The following CAPG variants were observed in gnomAD, a reference collection of about 807,000 sequenced individuals.
CAPG encodes the protein macrophage-capping protein.
A neutral mutation model predicts 44.6 loss-of-function variants in CAPG; 32 were observed. The ratio of observed to expected loss-of-function variants is 0.72; its 90% CI spans 0.54 to 0.96. CAPG has a LOEUF of 0.96. Ranked by LOEUF, CAPG falls within the 50% of genes least tolerant of loss-of-function variation. CAPG has a pLI of 0.00. For synonymous variants in CAPG, 175 were observed against 179.6 expected, an observed-to-expected ratio of 0.97 and a Z score of 0.20; for missense variants, 412 against 438.3, an observed-to-expected ratio of 0.94 and a Z score of 0.54.
At chr2:85,418,725 C>T (rs1363806200), upstream of CAPG, 2 of 152,198 alleles carry the variant, frequency 1.3e-5, no homozygotes, top group African/African-American at 4.8e-5. Flanking sequence ...TTGGGCGGGG[C>T]CTTGGGTGCT....
At chr2:85,399,798 A>G (rs143321319) in intron 5 of CAPG, among the ~76,000 whole-genome samples, 5,008 of 148,428 alleles carry the variant, frequency 0.034, 195 homozygotes, top group African/African-American at 0.093. Flanking sequence ...CTGGAGTGCA[A>G]TGGTACAATC....
chr2:85,396,962 T>G (rs1453597477), intron 8 of CAPG, among the ~76,000 whole-genome samples: 1 of 152,098 alleles, frequency 6.6e-6, no homozygotes, highest in East Asian at 1.9e-4. Context: ...TGCTGAAAAT[T>G]CTCAGACCCC....
chr2:85,404,260 G>A (rs557656712), intron 1 of CAPG, among the ~76,000 whole-genome samples: 67 of 143,148 alleles, frequency 4.7e-4, no homozygotes, highest in African/African-American at 1.8e-3. Flanking sequence ...AATAAATAAA[G>A]CCGCTCACAA....
upstream of CAPG, among the ~76,000 whole-genome samples, chr2:85,415,068 T>C (rs1267199053): frequency 6.6e-6 from 1 of 152,218 alleles, no homozygotes; most frequent in Non-Finnish European, 1.5e-5. Context: ...ACAATCTTTC[T>C]ATCTGGGTGA....
chr2:85,401,892 T>A lies in CAPG; in HGVS notation c.89A>T (p.Lys30Met). Residue 30 changes from lysine (K) to methionine (M), a missense_variant, in exon 3 of 10, where the codon AAG (lysine) becomes ATG (methionine). Lys to Met is a moderately conservative substitution (Grantham distance 95, BLOSUM62 -1). Transcript: ENST00000263867. ...GTTCTCTTGCGCCACAGGCACCGGC[T>A]TCAGCTTCTCCACCCGCCACACATG... ...GLHVWRVEKL[K>M]PVPVAQENQG... 6.2e-7 allele frequency: 1 copy of A among 1,613,482 alleles called. No homozygotes were observed. The highest frequency in any genetic ancestry group is 8.5e-7 in the Non-Finnish European group (1 of 1,179,934).
At chr2:85,414,837 G>C (rs1189110666), upstream of CAPG, among the ~76,000 whole-genome samples, 7 of 152,190 alleles carry the variant, frequency 4.6e-5, no homozygotes, top group African/African-American at 1.7e-4. Flanking sequence ...CAGGAGGCCA[G>C]GCCTTCTGGA....
Position 85,395,897 on chromosome 2 carries a change from A to T in CAPG, c.893-271T>A. 2.3e-6 allele frequency: 1 copy of T among 443,846 alleles called. No homozygotes were observed. The highest frequency in any genetic ancestry group is 4.1e-6 in the Non-Finnish European group (1 of 242,348). 27.5% of individuals were successfully genotyped at this position (443,846 alleles called of 1,614,324 possible). ...ACTCTGCTCTGACCTGGGCCCCTGGAATATTTCAGGGAGGGGAACAGGTGT... is the reference window on the plus strand; with the variant it reads ...ACTCTGCTCTGACCTGGGCCCCTGGTATATTTCAGGGAGGGGAACAGGTGT... On this transcript the variant is annotated intron_variant, in intron 8 of 9. Transcript: ENST00000263867. The surrounding 1 kb of genome is among the most constrained non-coding windows in gnomAD (Gnocchi z 4.3).
intron 1 of CAPG, among the ~76,000 whole-genome samples, chr2:85,406,535 G>A (rs1027003293): frequency 6.6e-6 from 1 of 152,142 alleles, no homozygotes; most frequent in African/African-American, 2.4e-5. Context: ...CCCCAGTGAT[G>A]TCTGATCACT....
At chr2:85,392,952 A>C (rs1686439677), downstream of CAPG, among the ~76,000 whole-genome samples, 1 of 152,154 alleles carries the variant, frequency 6.6e-6, no homozygotes, top group Non-Finnish European at 1.5e-5. Flanking sequence ...CATTAGCAAT[A>C]ATGTAGTCTG....
upstream of CAPG, chr2:85,419,103 G>A (rs1687654573): frequency 6.6e-6 from 1 of 152,468 alleles, no homozygotes; most frequent in Non-Finnish European, 1.5e-5. Context: ...GTCCCTGTGT[G>A]GCCGGCAGGA....
rs1686517117 is a variant in CAPG at position 85,394,964 on chromosome 2, G to A, written c.982-6C>T. ...CCCTGAGGCAGAATCTCCACCTGCAGGGACAGCGGGGGAGAAGTCTGGTTC... is the reference window on the plus strand; with the variant it reads ...CCCTGAGGCAGAATCTCCACCTGCAAGGACAGCGGGGGAGAAGTCTGGTTC... On this transcript the variant is annotated splice_polypyrimidine_tract_variant and splice_region_variant and intron_variant, in intron 9 of 9. Transcript: ENST00000263867. The A allele has an allele frequency of 1.9e-6, 3 of 1,602,784 alleles. No homozygotes were observed. Among genetic ancestry groups the A allele is most frequent in the East Asian group, 2.2e-5 (1 of 44,834 alleles).
At chr2:85,405,911 G>T (rs956590987) in intron 1 of CAPG, among the ~76,000 whole-genome samples, 3 of 152,210 alleles carry the variant, frequency 2.0e-5, no homozygotes, top group Non-Finnish European at 4.4e-5. Flanking sequence ...ATGAGACACG[G>T]AGTGCGCCAA....
upstream of CAPG, among the ~76,000 whole-genome samples, chr2:85,412,240 C>T (rs1432822227): frequency 6.6e-6 from 1 of 151,848 alleles, no homozygotes; most frequent in African/African-American, 2.4e-5. Flanking sequence ...GGGCCGGGCG[C>T]GGTGGCTCAC....
chr2:85,399,006 C>T, intron 6 of CAPG, 130 bp downstream of exon 6: 2 of 1,083,194 alleles, frequency 1.8e-6, no homozygotes, highest in Admixed American at 4.3e-5. Flanking sequence ...GAGCTGGCCA[C>T]AGCCCTAGGC....
chr2:85,402,797 G>C (rs1258231624), intron 1 of CAPG, among the ~76,000 whole-genome samples: 4 of 145,718 alleles, frequency 2.7e-5, no homozygotes, highest in African/African-American at 5.1e-5. Flanking sequence ...TGGAGACAGA[G>C]TCTCACTCTG....
At chr2:85,398,297 G>T in intron 7 of CAPG, 145 bp from the exon 8 acceptor site, 1 of 959,792 alleles carries the variant, frequency 1.0e-6, no homozygotes. Flanking sequence ...ACAAGAGAGT[G>T]AAGACCTGAA....
upstream of CAPG, among the ~76,000 whole-genome samples, chr2:85,419,498 C>T (rs946554398): frequency 9.9e-5 from 15 of 152,196 alleles, no homozygotes; most frequent in Non-Finnish European, 1.9e-4. Context: ...CCCTTCTGGG[C>T]CAGGGCAGCC....
In CAPG at chr2:85,401,516, G is replaced by T. The variant is rs765040897; in HGVS notation, c.351+13C>A. On this transcript the variant is annotated intron_variant, in intron 4 of 9. Coordinates refer to ENST00000263867, the MANE Select transcript of CAPG (RefSeq NM_001747.4). ...AAGCTGCAGGGTGGGGGTGCCTAGA[G>T]GTGGGCTCTGACCTGGTACTTGAGG... is the stretch of plus-strand genomic sequence containing the variant. 4 of 1,613,704 alleles carry T rather than the reference G, an allele frequency of 2.5e-6. No individual in the cohort carries two copies. Among genetic ancestry groups the T allele is most frequent in the Non-Finnish European group, 3.4e-6 (4 of 1,179,686 alleles).
downstream of CAPG, chr2:85,394,606 G>A (rs1287359483): frequency 2.0e-6 from 1 of 494,272 alleles, no homozygotes; most frequent in Non-Finnish European, 3.7e-6. Flanking sequence ...GTCCCTGCAA[G>A]CCTGGCTGGG....
Sources: gnomAD v4.1 joint callset for allele counts (sites outside exome capture counted in the v4.1 genomes callset) on GRCh38, gnomAD v4.1.1 for gene constraint, Gnocchi (gnomAD v3.1) non-coding constraint, MANE v1.5 for transcripts, NCBI Gene and HGNC (gene_info 2026-07-23, HGNC 2026-07-21) for gene names.